OSBPL10: variants seen among roughly 807,000 people sequenced by gnomAD.
The protein encoded by OSBPL10 is oxysterol binding protein like 10.
In OSBPL10, 49 loss-of-function variants were observed where a neutral mutation model predicts 81.7. The ratio of observed to expected loss-of-function variants is 0.60; its 90% confidence interval spans 0.48 to 0.76. OSBPL10 has a LOEUF of 0.76. OSBPL10 is among the 30% of genes least tolerant of loss of function. The probability of loss-of-function intolerance (pLI) is 0.00; values close to 1 mark genes in which losing one functional copy is unlikely to be tolerated. For synonymous variants in OSBPL10, 419 were observed against 383.6 expected (o/e 1.09, Z -1.08); for missense variants, 923 against 987.8 (o/e 0.93, Z 0.88).
intron 4 of OSBPL10, among the ~76,000 whole-genome samples, chr3:31,827,548 A>G (rs1464048145): frequency 6.6e-6 from 1 of 152,078 alleles, no homozygotes; most frequent in Non-Finnish European, 1.5e-5. Context: ...AGGCAGAAGA[A>G]TGGCATGAAT....
intron 1 of OSBPL10, among the ~76,000 whole-genome samples, chr3:31,932,312 T>G (rs969621261): frequency 6.6e-6 from 1 of 152,184 alleles, no homozygotes; most frequent in African/African-American, 2.4e-5. Context: ...TTGCTTAGCT[T>G]AAAACTTTCC....
intron 4 of OSBPL10, among the ~76,000 whole-genome samples, chr3:31,783,117 A>T (rs1340451698): frequency 0.13 from 3,116 of 23,292 alleles, 58 homozygotes; most frequent in East Asian, 0.2. Flanking sequence ...TCTATTATAT[A>T]TATATATATA....
At chr3:31,979,228 G>A (rs1474258965) in intron 1 of OSBPL10, among the ~76,000 whole-genome samples, 1 of 152,058 alleles carries the variant, frequency 6.6e-6, no homozygotes, top group African/African-American at 2.4e-5. Context: ...ATTGAAAGGG[G>A]AAGGGAGAGG....
In OSBPL10 at chr3:31,747,949, G is replaced by A. The variant is rs778846799; in HGVS notation, c.901C>T (p.His301Tyr). ...TTCTGGCTGGGCTGGCCCGCCTGGT[G>A]CACACTCTGCTGTAACAAGTTGAGG... ...ECLNLLQQSV[H>Y]QAGQPSQKPG... The change falls in exon 5 of 12, where the codon CAC (histidine) becomes TAC (tyrosine). Residue 301 changes from histidine (H) to tyrosine (Y), a missense_variant. This residue lies in a region of OSBPL10 where 514 missense variants were observed against 508.0 expected (regional missense o/e 1.01). Coordinates refer to ENST00000396556, the MANE Select transcript of OSBPL10 (RefSeq NM_017784.5). 1.2e-6 allele frequency: 2 copies of A among 1,613,998 alleles called. No homozygotes were observed. The highest frequency in any genetic ancestry group is 1.1e-5 in the South Asian group (1 of 91,072).
chr3:31,943,967 CAAAAA>C (rs55770286), intron 1 of OSBPL10, among the ~76,000 whole-genome samples: 73 of 37,776 alleles, frequency 1.9e-3, no homozygotes, highest in Non-Finnish European at 2.4e-3. Context: ...GACTCCGTCT[CAAAAA>C]AAAAAAAAAA....
intron 2 of OSBPL10, among the ~76,000 whole-genome samples, chr3:32,026,088 T>C (rs1412095537): frequency 8.7e-6 from 1 of 114,354 alleles, no homozygotes; most frequent in Non-Finnish European, 2.0e-5. Flanking sequence ...GATAGATAGA[T>C]AGATGATAGA....
chr3:32,004,976 C>G (rs1457318125), intron 2 of OSBPL10, among the ~76,000 whole-genome samples: 1 of 152,176 alleles, frequency 6.6e-6, no homozygotes, highest in Non-Finnish European at 1.5e-5. Flanking sequence ...TAATAAGTAT[C>G]CTTGGATAGG....
Position 31,670,869 on chromosome 3 carries a change from T to C in OSBPL10, c.1841A>G (p.Asn614Ser), listed in dbSNP as rs1393380800. 1 of 1,614,156 alleles carries C rather than the reference T, an allele frequency of 6.2e-7. No individual in the cohort carries two copies. The highest frequency in any genetic ancestry group is 1.7e-5 in the Admixed American group (1 of 60,026). Residue 614 changes from asparagine to serine, a missense_variant, in exon 9 of 12, where the codon AAC becomes AGC. Around this residue, in one of 3 missense-constraint regions of OSBPL10, gnomAD observed 387 missense variants for 436.3 expected, o/e 0.89. Transcript: ENST00000396556. ...CGCTGAGTACCCAGTCTTGGCACAG[T>C]TGATGCTGACTTTTCCTCCGAGCTC... ...WVELGGKVSI[N>S]CAKTGYSATV...
chr3:31,748,260 A>G, intron 4 of OSBPL10, 140 bp from the exon 5 acceptor site: 2 of 752,662 alleles, frequency 2.7e-6, no homozygotes, highest in Non-Finnish European at 4.4e-6. Flanking sequence ...GTCTTTTGAT[A>G]AATACTCAAT....
intron 1 of OSBPL10, among the ~76,000 whole-genome samples, chr3:31,888,214 T>C (rs1372755585): frequency 6.6e-6 from 1 of 152,082 alleles, no homozygotes; most frequent in East Asian, 1.9e-4. Context: ...ACCAAAAACA[T>C]ACATCGAGGA....
rs1699406681 is a variant in OSBPL10, at chr3:32,026,057, T to TGATAGATAGATAGATAGATGATTGATA, written n.298+20433_298+20434insTATCAATCATCTATCTATCTATCTATC. Reference sequence around the variant, plus strand: ...ATAGATAGATAGATAGATAGATAGATGATAGATAGATAGATAGATAGATAG... The same window carrying TGATAGATAGATAGATAGATGATTGATA: ...ATAGATAGATAGATAGATAGATAGATGATAGATAGATAGATAGATGATTGATAGATAGATAGATAGATAGATAGATAG... On this transcript the variant is annotated intron_variant and non_coding_transcript_variant, in intron 2 of 3. Coordinates refer to the OSBPL10 transcript ENST00000479173. Among the ~76,000 whole-genome samples the TGATAGATAGATAGATAGATGATTGATA allele has an allele frequency of 1.3e-3, 146 of 111,326 alleles. 1 individual carries two copies. Among genetic ancestry groups the TGATAGATAGATAGATAGATGATTGATA allele is most frequent in the African/African-American group, 4.3e-3 (127 of 29,274 alleles). 73.0% of individuals were successfully genotyped at this position (111,326 alleles called of 152,430 possible).
At chr3:31,885,309 T>C (rs1030668108) in intron 1 of OSBPL10, among the ~76,000 whole-genome samples, 3 of 152,040 alleles carry the variant, frequency 2.0e-5, no homozygotes, top group African/African-American at 4.8e-5. Context: ...ACTCACAAAC[T>C]CATGCACACT....
At chr3:31,688,810 G>C (rs1700865920) in intron 7 of OSBPL10, among the ~76,000 whole-genome samples, 1 of 152,134 alleles carries the variant, frequency 6.6e-6, no homozygotes, top group African/African-American at 2.4e-5. Flanking sequence ...ACGTGTTTTG[G>C]GTGGTAAGGA....
intron 2 of OSBPL10, among the ~76,000 whole-genome samples, chr3:31,998,989 C>T (rs552677931): frequency 1.3e-5 from 2 of 152,212 alleles, no homozygotes; most frequent in African/African-American, 4.8e-5. Flanking sequence ...AACACAAGGT[C>T]GAAGAAGATG....
At chr3:31,809,544 G>A (rs1490639159) in intron 4 of OSBPL10, among the ~76,000 whole-genome samples, 1 of 152,214 alleles carries the variant, frequency 6.6e-6, no homozygotes, top group Non-Finnish European at 1.5e-5. Flanking sequence ...CAGTAGGGTG[G>A]TGGTGGACAC....
intron 2 of OSBPL10, among the ~76,000 whole-genome samples, chr3:31,987,356 A>G (rs1249022420): frequency 2.6e-5 from 4 of 152,168 alleles, no homozygotes; most frequent in Admixed American, 2.0e-4. Flanking sequence ...TAATCATTCC[A>G]CTACTGATGA....
chr3:31,929,247 G>C (rs977251594), intron 1 of OSBPL10, among the ~76,000 whole-genome samples: 1 of 152,182 alleles, frequency 6.6e-6, no homozygotes, highest in African/African-American at 2.4e-5. Context: ...AAGTCAGCAT[G>C]ATGTTTAACA....
chr3:31,807,122 A>G (rs145725427), intron 4 of OSBPL10, among the ~76,000 whole-genome samples: 143 of 152,264 alleles, frequency 9.4e-4, no homozygotes, highest in African/African-American at 3.3e-3. Flanking sequence ...GCTCACGCCT[A>G]TAATCCCAGC....
Position 31,970,682 on chromosome 3 carries a change from C to T in OSBPL10, c.281+10217G>A, listed in dbSNP as rs990249120. Among the ~76,000 whole-genome samples, 5 of 152,242 alleles carry T rather than the reference C, an allele frequency of 3.3e-5. No homozygotes were observed. In the South Asian group the frequency reaches 8.3e-4, roughly 25 times the overall value. On this transcript the variant is annotated intron_variant, in intron 1 of 11. Transcript: ENST00000396556. The stretch of plus-strand genomic sequence containing the variant: ...TTTAAAGATTAAATTGGATAATATA[C>T]GTAAAGTGTCTGATGCTTCGTGGAC...
Sources: allele counts gnomAD v4.1 joint callset (sites outside exome capture counted in the v4.1 genomes callset), GRCh38; gene constraint gnomAD v4.1.1; regional missense constraint gnomAD v4.1.1; transcripts MANE v1.5; gene names NCBI Gene and HGNC (gene_info 2026-07-23, HGNC 2026-07-21).